Variants in SMG9 observed in about 807,000 individuals in gnomAD.
The protein encoded by SMG9 is nonsense-mediated mRNA decay factor SMG9.
In SMG9, 55 loss-of-function variants were observed where a neutral mutation model predicts 64.0. The observed-to-expected ratio is 0.86, with a 90% CI of 0.69 to 1.08. SMG9 has a LOEUF of 1.08. Among genes scored for constraint, SMG9 ranks in the 50% least tolerant of loss-of-function variants. SMG9 has a pLI of 0.00. For synonymous variants in SMG9, 244 were observed against 254.8 expected, an observed-to-expected ratio of 0.96 and a Z score of 0.41; for missense variants, 554 against 681.3, an observed-to-expected ratio of 0.81 and a Z score of 2.08.
intron 6 of SMG9, among the ~76,000 whole-genome samples, chr19:43,743,837 G>A (rs1437129146): frequency 6.6e-6 from 1 of 152,072 alleles, no homozygotes; most frequent in Non-Finnish European, 1.5e-5. Context: ...TACTGTTAAG[G>A]GATTAATGGA....
chr19:43,746,457 G>C (rs1969008629), intron 5 of SMG9, among the ~76,000 whole-genome samples: 1 of 152,150 alleles, frequency 6.6e-6, no homozygotes, highest in African/African-American at 2.4e-5. Flanking sequence ...CTGAAGGGTA[G>C]GGTTTGGTTT....
intron 2 of SMG9, among the ~76,000 whole-genome samples, chr19:43,749,682 G>A (rs1278130098): frequency 6.6e-6 from 1 of 152,218 alleles, no homozygotes; most frequent in Non-Finnish European, 1.5e-5. Context: ...GAGGTGGACA[G>A]GGCCCTAGAG....
chr19:43,752,192 C>T (rs1969208990), intron 1 of SMG9, among the ~76,000 whole-genome samples: 1 of 152,234 alleles, frequency 6.6e-6, no homozygotes, highest in South Asian at 2.1e-4. Context: ...TGCCTTCCCT[C>T]ACAGTGAATT....
At chr19:43,741,164 G>A (rs1968833573) in intron 6 of SMG9, among the ~76,000 whole-genome samples, 1 of 152,228 alleles carries the variant, frequency 6.6e-6, no homozygotes, top group Admixed American at 6.5e-5. Flanking sequence ...ATCAGTAACT[G>A]TGGGTGTTAG....
At chr19:43,744,949 G>GC in intron 5 of SMG9, 65 bp from the exon 6 acceptor site, 1 of 1,233,802 alleles carries the variant, frequency 8.1e-7, no homozygotes. Context: ...ATGAGGGGGG[G>GC]ACTCCAGAGA....
At chr19:43,751,403 C>G (rs1969188952) in intron 1 of SMG9, among the ~76,000 whole-genome samples, 1 of 152,252 alleles carries the variant, frequency 6.6e-6, no homozygotes, top group Non-Finnish European at 1.5e-5. Context: ...TCCCAAAGGG[C>G]TGGGATTATA....
intron 11 of SMG9, 35 bp downstream of exon 11, chr19:43,733,591 C>G: frequency 1.2e-6 from 2 of 1,611,166 alleles, no homozygotes; most frequent in Admixed American, 3.3e-5. Flanking sequence ...AATTAGGAGG[C>G]TGACTAGCTT....
chr19:43,738,872 G>C (rs929047230), intron 7 of SMG9, among the ~76,000 whole-genome samples: 1 of 152,210 alleles, frequency 6.6e-6, no homozygotes, highest in African/African-American at 2.4e-5. Flanking sequence ...AGCCGGTTTG[G>C]TTTGTCTCCA....
chr19:43,750,799 C>G (rs1969171573), intron 1 of SMG9, 52 bp from the exon 2 acceptor site: 1 of 1,530,770 alleles, frequency 6.5e-7, no homozygotes, highest in South Asian at 1.2e-5. Context: ...TCCTACTCTA[C>G]TTGGCATATC....
chr19:43,741,854 T>TA lies in SMG9; in HGVS notation c.702-1637dup, dbSNP rs972428521. On this transcript the variant is annotated intron_variant, in intron 6 of 13. Coordinates refer to ENST00000270066, the MANE Select transcript of SMG9 (RefSeq NM_019108.4). ...AGCAAGACCTCATCTCTACAAAAAATAAAAAAAAATATTAAGGGCATGGTC... is the reference window on the plus strand; with the variant it reads ...AGCAAGACCTCATCTCTACAAAAAATAAAAAAAAAATATTAAGGGCATGGTC... 1.6e-3 allele frequency among the ~76,000 whole-genome samples: 247 copies of TA among 151,044 alleles called. 6 individuals carry two copies. The highest frequency in any genetic ancestry group is 0.012 in the Admixed American group (184 of 15,162).
At chr19:43,752,902 T>TAAAAAAAAAAAAAAAA (rs775445159) in intron 1 of SMG9, among the ~76,000 whole-genome samples, 1 of 96,284 alleles carries the variant, frequency 1.0e-5, no homozygotes, top group African/African-American at 4.7e-5. Flanking sequence ...AGACCCTGTC[T>TAAAAAAAAAAAAAAAA]AAAAAAAAAA....
intron 1 of SMG9, among the ~76,000 whole-genome samples, chr19:43,752,291 A>T (rs1347374473): frequency 6.6e-6 from 1 of 152,236 alleles, no homozygotes; most frequent in African/African-American, 2.4e-5. Flanking sequence ...CCATTTCAGT[A>T]TCTGTTTACA....
In SMG9 at chr19:43,744,821, A is replaced by T. The variant is rs1174364424; in HGVS notation, c.652T>A (p.Ser218Thr). The change falls in exon 6 of 14, where the codon TCC becomes ACC. Residue 218 changes from serine (S) to threonine (T), a missense_variant. Ser to Thr is a moderately conservative substitution (Grantham distance 58). Coordinates refer to ENST00000270066, the MANE Select transcript of SMG9 (RefSeq NM_019108.4). ...GCTGACAACAATGACATGACCATGG[A>T]CTTGCCTGTCCCCTGGAGGCCCAGG... ...GVLGLQGTGKSMVMSLLSANT... is the reference protein window; with the variant it reads ...GVLGLQGTGKTMVMSLLSANT... 1 of 1,613,822 alleles carries T rather than the reference A, an allele frequency of 6.2e-7. No homozygotes were observed. Among genetic ancestry groups the T allele is most frequent in the East Asian group, 2.2e-5 (1 of 44,862 alleles).
intron 5 of SMG9, 35 bp from the exon 6 acceptor site, chr19:43,744,919 T>A (rs1219131894): frequency 6.5e-7 from 1 of 1,539,672 alleles, no homozygotes; most frequent in Non-Finnish European, 9.0e-7. Context: ...CTGACAAGTC[T>A]GTCAGCTGCT....
intron 9 of SMG9, among the ~76,000 whole-genome samples, chr19:43,735,614 CAAAAAA>C (rs889721095): frequency 3.9e-5 from 2 of 51,532 alleles, no homozygotes; most frequent in African/African-American, 7.5e-5. Context: ...GACTCTGTCT[CAAAAAA>C]AAAAAAAAAA....
intron 2 of SMG9, among the ~76,000 whole-genome samples, chr19:43,749,723 G>C (rs1969136228): frequency 6.6e-6 from 1 of 152,232 alleles, no homozygotes; most frequent in Admixed American, 6.5e-5. Flanking sequence ...TTCTGGCAGT[G>C]AGTCACCTAG....
chr19:43,744,197 C>A (rs530975493), intron 6 of SMG9, among the ~76,000 whole-genome samples: 2 of 152,254 alleles, frequency 1.3e-5, no homozygotes, highest in African/African-American at 4.8e-5. Context: ...CTGATCCTCC[C>A]CAGCCTGGAG....
rs1968418979 is a variant in SMG9 at position 43,729,881 on chromosome 19, A to G, written c.*1715T>C. ...TTAAATGTTGGAATAATGGCCAGAG[A>G]GGGGAGGCTCCTTGCCTACTACAGT... On this transcript the variant is annotated 3_prime_UTR_variant, in exon 14 of 14. Coordinates refer to ENST00000270066, the MANE Select transcript of SMG9 (RefSeq NM_019108.4). 6.6e-6 allele frequency: 1 copy of G among 152,288 alleles called. No homozygotes were observed. The highest frequency in any genetic ancestry group is 1.5e-5 in the Non-Finnish European group (1 of 68,126). The allele number at this position is 152,288 out of a possible 1,614,324, so 9.4% of individuals were successfully genotyped here. A position where few individuals can be genotyped will look rare whatever the true frequency, so the allele number is the denominator to read the frequency against.
chr19:43,739,623 A>G (rs1968782376), intron 7 of SMG9: 1 of 154,800 alleles, frequency 6.5e-6, no homozygotes, highest in African/African-American at 2.4e-5. Flanking sequence ...ACTGCCAGGT[A>G]AACGCAGGAC....
Sources: gnomAD v4.1 joint callset for allele counts (sites outside exome capture counted in the v4.1 genomes callset) on GRCh38, gnomAD v4.1.1 for gene constraint, MANE v1.5 for transcripts, NCBI Gene and HGNC (gene_info 2026-07-23, HGNC 2026-07-21) for gene names.